Variants in PTPRK observed in about 807,000 individuals in gnomAD.
PTPRK encodes the protein receptor-type tyrosine-protein phosphatase kappa.
PTPRK carries 75 observed loss-of-function variants against 178.0 expected under a neutral mutation model. That is an observed-to-expected ratio of 0.42 (90% CI 0.35 to 0.51). The LOEUF (loss-of-function observed/expected upper bound fraction) is 0.51. Among genes scored for constraint, PTPRK ranks in the 20% least tolerant of loss-of-function variants. The pLI, the probability that PTPRK is intolerant of heterozygous loss-of-function variation, is 0.02. For synonymous variants in PTPRK, 637 were observed against 620.6 expected (o/e 1.03, Z -0.39); for missense variants, 1,441 against 1,797.8 (o/e 0.80, Z 3.59).
Position 128,236,900 on chromosome 6 carries a change from T to C in PTPRK, c.693+3135A>G, listed in dbSNP as rs550637454. On this transcript the variant is annotated intron_variant, in intron 5 of 29. Coordinates refer to ENST00000368226, the MANE Select transcript of PTPRK (RefSeq NM_002844.4). The stretch of plus-strand genomic sequence containing the variant: ...ATAGATACTTTCAGAACTACCATGA[T>C]ATGCATTATGAAATTATCCTAGATT... 3.9e-5 allele frequency among the ~76,000 whole-genome samples: 6 copies of C among 152,328 alleles called. No individual in the cohort carries two copies. In the East Asian group the frequency reaches 9.7e-4, roughly 25 times the overall value.
intron 1 of PTPRK, among the ~76,000 whole-genome samples, chr6:128,481,051 A>G (rs933864905): frequency 2.2e-4 from 34 of 152,094 alleles, no homozygotes; most frequent in Non-Finnish European, 2.9e-5. Flanking sequence ...TTTTATACAC[A>G]TTACAGCCCT....
chr6:128,231,371 C>G (rs1812271523), intron 5 of PTPRK, among the ~76,000 whole-genome samples: 1 of 152,174 alleles, frequency 6.6e-6, no homozygotes. Flanking sequence ...AAAATCACTA[C>G]TGCTTAGACA....
intron 7 of PTPRK, among the ~76,000 whole-genome samples, chr6:128,174,947 C>A (rs1322541154): frequency 6.6e-6 from 1 of 151,878 alleles, no homozygotes; most frequent in Non-Finnish European, 1.5e-5. Flanking sequence ...TGCATTCAGG[C>A]AGCCTCAGTT....
intron 3 of PTPRK, among the ~76,000 whole-genome samples, chr6:128,314,920 A>T (rs1291763171): frequency 6.6e-6 from 1 of 152,112 alleles, no homozygotes; most frequent in African/African-American, 2.4e-5. Context: ...TCAGAAAAAC[A>T]ATTATTTGGT....
At chr6:128,349,368 A>G (rs1218629323) in intron 2 of PTPRK, among the ~76,000 whole-genome samples, 1 of 152,124 alleles carries the variant, frequency 6.6e-6, no homozygotes, top group Non-Finnish European at 1.5e-5. Flanking sequence ...TTGAATGTAC[A>G]ATTGCAGATG....
chr6:128,383,877 AT>A (rs1216984213), intron 2 of PTPRK, among the ~76,000 whole-genome samples: 29 of 152,302 alleles, frequency 1.9e-4, no homozygotes, highest in African/African-American at 6.7e-4. Context: ...CAGAAAAAAT[AT>A]TTTGACAGTT....
At chr6:128,053,925 C>A (rs1005890880) in intron 13 of PTPRK, among the ~76,000 whole-genome samples, 1 of 152,184 alleles carries the variant, frequency 6.6e-6, no homozygotes, top group Non-Finnish European at 1.5e-5. Flanking sequence ...AAGAGCTACA[C>A]CAGGCTTTCA....
intron 7 of PTPRK, among the ~76,000 whole-genome samples, chr6:128,176,589 C>T (rs371460552): frequency 7.2e-5 from 11 of 151,908 alleles, no homozygotes; most frequent in African/African-American, 2.4e-4. Flanking sequence ...ACAAAGTTTA[C>T]TATAAATAAG....
chr6:128,202,270 G>T (rs1203543830), intron 6 of PTPRK, among the ~76,000 whole-genome samples: 1 of 152,186 alleles, frequency 6.6e-6, no homozygotes, highest in Non-Finnish European at 1.5e-5. Context: ...GCCAGGGGAA[G>T]CGGTGAGGAA....
chr6:128,199,814 T>A (rs1416284561), intron 6 of PTPRK, among the ~76,000 whole-genome samples: 1 of 152,208 alleles, frequency 6.6e-6, no homozygotes, highest in East Asian at 1.9e-4. Flanking sequence ...GTCTATGTTT[T>A]TCCTTAAATG....
At chr6:128,108,665 G>T (rs1191143068) in intron 7 of PTPRK, among the ~76,000 whole-genome samples, 1 of 152,086 alleles carries the variant, frequency 6.6e-6, no homozygotes. Context: ...TGTAAGTAAT[G>T]ATATACAAAG....
chr6:128,008,890 T>C (rs1402481219), intron 14 of PTPRK, among the ~76,000 whole-genome samples: 1 of 151,220 alleles, frequency 6.6e-6, no homozygotes, highest in Non-Finnish European at 1.5e-5. Context: ...TAAATTCGGA[T>C]ATTAATTTCT....
chr6:128,384,755 T>A (rs751665594), intron 2 of PTPRK, among the ~76,000 whole-genome samples: 44 of 151,760 alleles, frequency 2.9e-4, no homozygotes, highest in Non-Finnish European at 4.7e-4. Context: ...CCAGAAAAAA[T>A]TTTTATTTTT....
intron 13 of PTPRK, among the ~76,000 whole-genome samples, chr6:128,025,243 A>G (rs781626867): frequency 6.6e-6 from 1 of 152,206 alleles, no homozygotes; most frequent in Non-Finnish European, 1.5e-5. Context: ...GTATTCCTTC[A>G]TTAGTTTGTA....
chr6:128,368,435 A>C (rs150066584), intron 2 of PTPRK, among the ~76,000 whole-genome samples: 81 of 151,912 alleles, frequency 5.3e-4, no homozygotes, highest in African/African-American at 1.9e-3. Context: ...GACGAGGCCA[A>C]TGACCAAGAT....
intron 2 of PTPRK, among the ~76,000 whole-genome samples, chr6:128,328,380 A>G (rs1312189899): frequency 1.3e-5 from 2 of 152,230 alleles, no homozygotes; most frequent in Non-Finnish European, 2.9e-5. Flanking sequence ...TTGATTAGTT[A>G]GATTACCAAT....
intron 1 of PTPRK, among the ~76,000 whole-genome samples, chr6:128,439,281 C>T (rs906979804): frequency 1.4e-4 from 22 of 152,054 alleles, no homozygotes; most frequent in Non-Finnish European, 5.9e-5. Context: ...GTAGATAACA[C>T]CTGTATCCAA....
intron 1 of PTPRK, among the ~76,000 whole-genome samples, chr6:128,432,062 C>T (rs1008029872): frequency 2.6e-5 from 4 of 152,278 alleles, no homozygotes; most frequent in Admixed American, 2.6e-4. Context: ...AATACAGCTC[C>T]TTAGAGTCTT....
chr6:128,289,032 C>A (rs1359703406), intron 3 of PTPRK, among the ~76,000 whole-genome samples: 2 of 152,088 alleles, frequency 1.3e-5, no homozygotes, highest in Non-Finnish European at 2.9e-5. Flanking sequence ...ATGGCTACAG[C>A]GTGCACCAGT....
Sources: allele counts gnomAD v4.1 joint callset (sites outside exome capture counted in the v4.1 genomes callset), GRCh38; gene constraint gnomAD v4.1.1; transcripts MANE v1.5; gene names NCBI Gene and HGNC (gene_info 2026-07-23, HGNC 2026-07-21).